LAMA5: variants seen among roughly 807,000 people sequenced by gnomAD.
LAMA5 encodes the protein laminin subunit alpha-5.
In LAMA5, 260 loss-of-function variants were observed where a neutral mutation model predicts 433.4. The observed-to-expected ratio is 0.60, with a 90% CI of 0.54 to 0.66. The LOEUF is 0.66. Ranked by LOEUF, LAMA5 falls within the 30% of genes least tolerant of loss-of-function variation. The pLI is 0.00. For missense variants in LAMA5, 5,378 were observed against 5,258.5 expected, an observed-to-expected ratio of 1.02 and a Z score of -0.70; for synonymous variants, 2,620 against 2,226.6, an observed-to-expected ratio of 1.18 and a Z score of -4.97.
chr20:62,351,630 C>G lies in LAMA5; in HGVS notation c.956+74G>C. 4.9e-6 allele frequency: 7 copies of G among 1,437,992 alleles called. No individual in the cohort carries two copies. In the South Asian group the frequency reaches 8.4e-5, roughly 17 times the overall value. The allele number at this position is 1,437,992 out of a possible 1,614,324, so 89.1% of individuals were successfully genotyped here. On this transcript the variant is annotated intron_variant, in intron 6 of 79. Transcript: ENST00000252999. ...CCAGGTCACCCACCCTCAGGTTAGGCAGGGGTGACAAGGACAGGCAGGGAG... is the reference window on the plus strand; with the variant it reads ...CCAGGTCACCCACCCTCAGGTTAGGGAGGGGTGACAAGGACAGGCAGGGAG...
chr20:62,338,985 C>T (rs951365465), intron 11 of LAMA5, among the ~76,000 whole-genome samples: 1 of 148,432 alleles, frequency 6.7e-6, no homozygotes, highest in Admixed American at 6.8e-5. Context: ...TGCAATGAGC[C>T]GAGATCGCAC....
chr20:62,334,550 G>A lies in LAMA5; in HGVS notation c.2554C>T (p.Pro852Ser). The A allele has an allele frequency of 6.5e-7, 1 of 1,548,626 alleles. No individual in the cohort carries two copies. The highest frequency in any genetic ancestry group is 8.7e-7 in the Non-Finnish European group (1 of 1,146,748). The change falls in exon 21 of 80, where the codon CCC (proline) becomes TCC (serine). Residue 852 changes from proline to serine, a missense_variant. Physicochemically the swap from Pro to Ser is moderately conservative, Grantham distance 74. Transcript: ENST00000252999. ...EPRTGVCRCR[P>S]NTQGPTCSEP... ...CTGCAGGTGGGGCCCTGGGTGTTGG[G>A]GCGGCACCGGCAGACGCCCGTCCTC... is the stretch of plus-strand genomic sequence containing the variant.
chr20:62,327,798 C>A, intron 36 of LAMA5, 68 bp downstream of exon 36: 1 of 1,572,398 alleles, frequency 6.4e-7, no homozygotes, highest in Non-Finnish European at 8.6e-7. Context: ...CCCCGAAAGG[C>A]CCGTAAGGAC....
rs370815395 is a variant in LAMA5 at position 62,322,020 on chromosome 20, T to C, written c.6495A>G (p.Glu2165=). 1.1e-5 allele frequency: 17 copies of C among 1,598,274 alleles called. No individual in the cohort carries two copies. In the African/African-American group the frequency reaches 2.3e-4, roughly 21 times the overall value. The change falls in exon 48 of 80, where the codon GAA becomes GAG. Residue 2165 remains glutamate, a splice_region_variant and synonymous_variant. Coordinates refer to ENST00000252999, the MANE Select transcript of LAMA5 (RefSeq NM_005560.6). ...GGPVGHSIHC[E]VCDHCVVLLL... ...GGAAGTGGGGTGTTGAGGACACACC[T>C]TCACAGTGGATGCTGTGGCCCACAG...
chr20:62,323,305 G>A, intron 45 of LAMA5, 151 bp downstream of exon 45: 1 of 685,068 alleles, frequency 1.5e-6, no homozygotes. Flanking sequence ...GGGGAGAAAG[G>A]GTTGACCATG....
At chr20:62,340,195 G>C (rs1275030983) in intron 11 of LAMA5, among the ~76,000 whole-genome samples, 1 of 151,846 alleles carries the variant, frequency 6.6e-6, no homozygotes, top group Non-Finnish European at 1.5e-5. Flanking sequence ...CAGAGTCAGA[G>C]AGAGACAAAG....
Position 62,320,721 on chromosome 20 carries a change from GGCCAGGACGCTCA to G in LAMA5, c.6648+5_6648+17del. On this transcript the variant is annotated splice_donor_5th_base_variant and intron_variant, in intron 49 of 79. Transcript: ENST00000252999. Reference sequence around the variant, plus strand: ...GCACTGGCCCGGGTTGGGGAGGGAAGGCCAGGACGCTCAGTACCTGCAGGTCAGCGATGGAGGC... The same window carrying G: ...GCACTGGCCCGGGTTGGGGAGGGAAGGTACCTGCAGGTCAGCGATGGAGGC... 5 of 1,612,536 alleles carry G rather than the reference GGCCAGGACGCTCA, an allele frequency of 3.1e-6. No individual in the cohort carries two copies. Among genetic ancestry groups the G allele is most frequent in the Non-Finnish European group, 4.2e-6 (5 of 1,179,844 alleles).
intron 55 of LAMA5, 83 bp downstream of exon 55, chr20:62,317,262 C>A: frequency 5.0e-6 from 7 of 1,397,330 alleles, no homozygotes; most frequent in Non-Finnish European, 6.6e-6. Flanking sequence ...CCCCTAGGAG[C>A]CTTCCCAGAC....
chr20:62,353,369 C>G lies in LAMA5; in HGVS notation c.451-118G>C, dbSNP rs540180583. 6.0e-5 allele frequency: 42 copies of G among 705,712 alleles called. No homozygotes were observed. In the East Asian group the frequency reaches 9.2e-4, roughly 15 times the overall value. The allele number at this position is 705,712 out of a possible 1,614,324, so 43.7% of individuals were successfully genotyped here. On this transcript the variant is annotated intron_variant, in intron 2 of 79. Transcript: ENST00000252999. ...ACAGCAGGGGATGTGGCACCCTCGCCGCACAGGGGGCACCTCTGGGTTTGC... is the reference window on the plus strand; with the variant it reads ...ACAGCAGGGGATGTGGCACCCTCGCGGCACAGGGGGCACCTCTGGGTTTGC...
At chr20:62,320,030 C>T (rs190116863) in intron 50 of LAMA5, among the ~76,000 whole-genome samples, 456 of 152,222 alleles carry the variant, frequency 3.0e-3, no homozygotes, top group Non-Finnish European at 3.9e-3. Context: ...CTCATTAAGA[C>T]ATTTGAGGCC....
rs866371344 is a variant in LAMA5, at chr20:62,353,388, G to A, written c.451-137C>T. On this transcript the variant is annotated intron_variant, in intron 2 of 79. Coordinates refer to ENST00000252999, the MANE Select transcript of LAMA5 (RefSeq NM_005560.6). ...CCTCGCCGCACAGGGGGCACCTCTG[G>A]GTTTGCCTGTGTGGGGCAGACGAAC... 7.9e-6 allele frequency: 5 copies of A among 635,568 alleles called. No homozygotes were observed. In the Middle Eastern group the frequency reaches 1.8e-3, roughly 230 times the overall value. 39.4% of individuals were successfully genotyped at this position (635,568 alleles called of 1,614,324 possible). A position where few individuals can be genotyped will look rare whatever the true frequency, so the allele number is the denominator to read the frequency against.
At chr20:62,321,934 G>A (rs962918369) in intron 48 of LAMA5, 85 bp downstream of exon 48, 19 of 1,375,384 alleles carry the variant, frequency 1.4e-5, no homozygotes, top group East Asian at 4.6e-5. Context: ...CTGGGAGGTC[G>A]ACGTTAACAC....
chr20:62,319,457 G>A (rs1042705542), intron 51 of LAMA5, among the ~76,000 whole-genome samples: 2 of 152,138 alleles, frequency 1.3e-5, no homozygotes, highest in Non-Finnish European at 2.9e-5. Flanking sequence ...ACATTTCCTG[G>A]GGAGGCTGTC....
At chr20:62,365,918 C>T (rs151317712) in intron 1 of LAMA5, among the ~76,000 whole-genome samples, 9 of 151,972 alleles carry the variant, frequency 5.9e-5, no homozygotes, top group African/African-American at 2.2e-4. Context: ...GCAGAGGGGG[C>T]GGGCCCAGCC....
At position 62,330,866 on chromosome 20, in the gene LAMA5, CGGCAGCGGGATCACCT is replaced by C; in HGVS notation, c.3713_3728del (p.Gln1238ArgfsTer6). 1 of 1,540,252 alleles carries C rather than the reference CGGCAGCGGGATCACCT, an allele frequency of 6.5e-7. No individual in the cohort carries two copies. The highest frequency in any genetic ancestry group is 1.2e-5 in the South Asian group (1 of 82,896). ...GCGCGTGGGTCAGCGGGAGGCCGGG[CGGCAGCGGGATCACCT>C]GGCAGTCCCTGAGGATGATGGGCTG... On this transcript the variant is annotated frameshift_variant, in exon 30 of 80. Transcript: ENST00000252999. LOFTEE classifies it high-confidence loss of function.
Position 62,352,267 on chromosome 20 carries a change from C to A in LAMA5, c.662G>T (p.Arg221Leu), listed in dbSNP as rs773158264. Residue 221 changes from arginine to leucine, a missense_variant, in exon 4 of 80, where the codon CGC becomes CTC. Coordinates refer to ENST00000252999, the MANE Select transcript of LAMA5 (RefSeq NM_005560.6). Reference sequence around the variant, plus strand: ...CTCTCCGTTCTCCAGGGGCACGATGCGTGAGTACTCGGTGGTGCAGATGGC... The same window carrying A: ...CTCTCCGTTCTCCAGGGGCACGATGAGTGAGTACTCGGTGGTGCAGATGGC... ...DAAICTTEYS[R>L]IVPLENGEIV... 4 of 1,599,702 alleles carry A rather than the reference C, an allele frequency of 2.5e-6. No homozygotes were observed. The highest frequency in any genetic ancestry group is 3.4e-6 in the Non-Finnish European group (4 of 1,179,636).
chr20:62,347,671 G>A (rs1245600804), intron 6 of LAMA5, among the ~76,000 whole-genome samples: 1 of 152,212 alleles, frequency 6.6e-6, no homozygotes, highest in Non-Finnish European at 1.5e-5. Flanking sequence ...CAGCTGGAGA[G>A]AGACAAGGCC....
intron 16 of LAMA5, among the ~76,000 whole-genome samples, chr20:62,337,192 C>T (rs1057035097): frequency 2.0e-5 from 3 of 152,040 alleles, no homozygotes; most frequent in Admixed American, 1.3e-4. Flanking sequence ...CCCACTTATG[C>T]GATACGCGCA....
At chr20:62,314,530 C>T (rs761850874) in intron 61 of LAMA5, 25 bp downstream of exon 61, 30 of 1,605,006 alleles carry the variant, frequency 1.9e-5, no homozygotes, top group Middle Eastern at 1.7e-4. Context: ...GAGCTCGGGC[C>T]GCATCCACCC....
Sources: gnomAD v4.1 joint callset for allele counts (sites outside exome capture counted in the v4.1 genomes callset) on GRCh38, gnomAD v4.1.1 for gene constraint, MANE v1.5 for transcripts, NCBI Gene and HGNC (gene_info 2026-07-23, HGNC 2026-07-21) for gene names.